ELMO1: variants seen among roughly 807,000 people sequenced by gnomAD.
The protein encoded by ELMO1 is engulfment and cell motility 1.
A neutral mutation model predicts 98.9 loss-of-function variants in ELMO1; 26 were observed. The ratio of observed to expected loss-of-function variants is 0.26; its 90% CI spans 0.19 to 0.36. ELMO1 has a LOEUF of 0.36. Among genes scored for constraint, ELMO1 ranks in the 10% least tolerant of loss-of-function variants. The probability of loss-of-function intolerance (pLI) is 1.00; values close to 1 mark genes in which losing one functional copy is unlikely to be tolerated. For synonymous variants in ELMO1, 346 were observed against 346.0 expected (o/e 1.00, Z 0.00); for missense variants, 627 against 935.2 (o/e 0.67, Z 4.30).
intron 16 of ELMO1, among the ~76,000 whole-genome samples, chr7:37,003,365 GAAAGAAAAGA>G (rs774619694): frequency 6.6e-6 from 1 of 152,094 alleles, no homozygotes; most frequent in African/African-American, 2.4e-5. Flanking sequence ...TCAAATACAA[GAAAGAAAAGA>G]AAAGAAAAGA....
chr7:37,133,269 C>A (rs1787048028), intron 13 of ELMO1, 35 bp from the exon 14 acceptor site: 4 of 1,551,004 alleles, frequency 2.6e-6, no homozygotes, highest in Non-Finnish European at 3.5e-6. Flanking sequence ...AAGGTGAATT[C>A]TTCAGCAGAT....
At chr7:37,138,522 G>A (rs1190524638) in intron 13 of ELMO1, among the ~76,000 whole-genome samples, 3 of 152,154 alleles carry the variant, frequency 2.0e-5, no homozygotes, top group South Asian at 2.1e-4. Flanking sequence ...GATTAAACCA[G>A]GAAGATATAG....
chr7:37,259,468 A>G (rs1301131401), intron 5 of ELMO1, 118 bp from the exon 6 acceptor site: 1 of 1,125,512 alleles, frequency 8.9e-7, no homozygotes, highest in Non-Finnish European at 1.3e-6. Context: ...CTATCTGCAT[A>G]TTACAGAGTG....
At chr7:36,938,812 A>AT (rs144027675) in intron 16 of ELMO1, among the ~76,000 whole-genome samples, 1,755 of 152,152 alleles carry the variant, frequency 0.012, 11 homozygotes, top group Middle Eastern at 0.058. Context: ...CATGAGAGAG[A>AT]TTTTTTTGTC....
chr7:37,064,134 T>C (rs764257655), intron 15 of ELMO1, among the ~76,000 whole-genome samples: 9 of 152,122 alleles, frequency 5.9e-5, no homozygotes, highest in Non-Finnish European at 1.3e-4. Flanking sequence ...ACAGTCAGGA[T>C]CCAAACCATC....
chr7:37,021,269 A>G (rs372719924), intron 15 of ELMO1, among the ~76,000 whole-genome samples: 3 of 152,312 alleles, frequency 2.0e-5, no homozygotes, highest in Admixed American at 6.5e-5. Flanking sequence ...AGGGGATCAG[A>G]GGCTTTAAAC....
At chr7:37,128,562 C>A (rs1301295750) in intron 14 of ELMO1, among the ~76,000 whole-genome samples, 1 of 152,190 alleles carries the variant, frequency 6.6e-6, no homozygotes, top group South Asian at 2.1e-4. Flanking sequence ...AATTCAGTTA[C>A]ACCCACTGCT....
At chr7:37,101,831 A>T (rs542595416) in intron 14 of ELMO1, among the ~76,000 whole-genome samples, 2 of 152,208 alleles carry the variant, frequency 1.3e-5, no homozygotes, top group Admixed American at 1.3e-4. Flanking sequence ...CACTCAGGTT[A>T]AAACAAGGTA....
At chr7:37,261,105 G>A (rs1795955813) in intron 5 of ELMO1, among the ~76,000 whole-genome samples, 2 of 149,054 alleles carry the variant, frequency 1.3e-5, no homozygotes, top group African/African-American at 5.0e-5. Flanking sequence ...AGTGTTTGAT[G>A]CAGTTGATAC....
chr7:37,078,869 A>G (rs1373832348), intron 15 of ELMO1, among the ~76,000 whole-genome samples: 1 of 152,198 alleles, frequency 6.6e-6, no homozygotes, highest in Non-Finnish European at 1.5e-5. Context: ...ATTAAATAAT[A>G]GAATATTTAA....
intron 13 of ELMO1, among the ~76,000 whole-genome samples, chr7:37,174,595 T>C (rs1023630090): frequency 1.2e-4 from 19 of 152,120 alleles, no homozygotes; most frequent in Non-Finnish European, 2.1e-4. Context: ...CATCCAGCAA[T>C]TGAGCTTAAG....
chr7:37,119,158 T>C (rs142187937), intron 14 of ELMO1, among the ~76,000 whole-genome samples: 233 of 152,312 alleles, frequency 1.5e-3, no homozygotes, highest in African/African-American at 5.5e-3. Flanking sequence ...AAACATGTGA[T>C]TGCTGTGATC....
rs371888413 is a variant in ELMO1, at chr7:36,861,740, C to T, written c.1906-4G>A. ...AGAAAGCGAGTTCAAGCACCTCCTA[C>T]AAGAGATGAGAGAAAACAGCACCTT... On this transcript the variant is annotated splice_polypyrimidine_tract_variant and splice_region_variant and intron_variant, in intron 20 of 21. Transcript: ENST00000310758. The T allele has an allele frequency of 1.2e-6, 2 of 1,613,034 alleles. No individual in the cohort carries two copies. Among genetic ancestry groups the T allele is most frequent in the South Asian group, 1.1e-5 (1 of 91,050 alleles).
At chr7:37,286,760 C>G (rs957677599) in intron 4 of ELMO1, among the ~76,000 whole-genome samples, 1 of 152,138 alleles carries the variant, frequency 6.6e-6, no homozygotes. Flanking sequence ...GATTCTTTTT[C>G]TTTCTCTTTT....
At chr7:37,407,751 G>A (rs745789444) in intron 1 of ELMO1, among the ~76,000 whole-genome samples, 1 of 152,022 alleles carries the variant, frequency 6.6e-6, no homozygotes, top group African/African-American at 2.4e-5. Flanking sequence ...GTGGATAAAC[G>A]GCATTATGCA....
At position 37,291,575 on chromosome 7, in the gene ELMO1, A is replaced by C. The variant is rs566295627; in HGVS notation, c.193-19693T>G. Among the ~76,000 whole-genome samples the C allele has an allele frequency of 1.4e-4, 21 of 152,342 alleles. 1 individual carries two copies. Among genetic ancestry groups the C allele is most frequent in the Admixed American group, 1.2e-3 (18 of 15,302 alleles). ...AGAAGGGAAAACTGACTAGATAATA[A>C]ACACAGAAAAATATGCTCAGCCTCA... On this transcript the variant is annotated intron_variant, in intron 4 of 21. Coordinates refer to ENST00000310758, the MANE Select transcript of ELMO1 (RefSeq NM_014800.11).
intron 13 of ELMO1, among the ~76,000 whole-genome samples, chr7:37,149,041 C>A (rs964362699): frequency 6.6e-6 from 1 of 152,226 alleles, no homozygotes; most frequent in African/African-American, 2.4e-5. Context: ...GCTTTCCAGG[C>A]AGCCTCTGGT....
intron 15 of ELMO1, among the ~76,000 whole-genome samples, chr7:37,015,124 T>C (rs17170831): frequency 0.096 from 14,624 of 152,126 alleles, 769 homozygotes; most frequent in Middle Eastern, 0.18. Flanking sequence ...ACAACCCGAT[T>C]TGAAGATATG....
intron 16 of ELMO1, among the ~76,000 whole-genome samples, chr7:36,992,283 C>G (rs376369790): frequency 6.6e-6 from 1 of 152,186 alleles, no homozygotes; most frequent in African/African-American, 2.4e-5. Context: ...GAGTCAAGGT[C>G]TGGAAGTTCT....
Sources: gnomAD v4.1 joint callset for allele counts (sites outside exome capture counted in the v4.1 genomes callset) on GRCh38, gnomAD v4.1.1 for gene constraint, MANE v1.5 for transcripts, NCBI Gene and HGNC (gene_info 2026-07-23, HGNC 2026-07-21) for gene names.